Variants in GPR158 observed in about 807,000 individuals in gnomAD.
GPR158 encodes G protein-coupled receptor 158.
A neutral mutation model predicts 78.2 loss-of-function variants in GPR158; 30 were observed. The ratio of observed to expected loss-of-function variants is 0.38; its 90% CI spans 0.29 to 0.52. GPR158 has a LOEUF of 0.52. Ranked by LOEUF, GPR158 falls within the 20% of genes least tolerant of loss-of-function variation. The pLI is 0.83. For missense variants in GPR158, 1,463 were observed against 1,523.5 expected, an observed-to-expected ratio of 0.96 and a Z score of 0.66; for synonymous variants, 581 against 591.1, an observed-to-expected ratio of 0.98 and a Z score of 0.25.
intron 5 of GPR158, among the ~76,000 whole-genome samples, chr10:25,510,181 T>C (rs1337454589): frequency 6.6e-6 from 1 of 152,034 alleles, no homozygotes; most frequent in African/African-American, 2.4e-5. Flanking sequence ...GAAAATAGAG[T>C]CTTCCACAGA....
At chr10:25,567,734 T>C (rs964519195) in intron 6 of GPR158, among the ~76,000 whole-genome samples, 2 of 152,150 alleles carry the variant, frequency 1.3e-5, no homozygotes, top group Admixed American at 6.6e-5. Flanking sequence ...TTATTAGAAG[T>C]GTTTTACCAT....
chr10:25,438,478 GA>G (rs1259721170), intron 4 of GPR158, among the ~76,000 whole-genome samples: 1 of 152,178 alleles, frequency 6.6e-6, no homozygotes, highest in Non-Finnish European at 1.5e-5. Context: ...GTGGATTTAT[GA>G]ATTCATTCTC....
At chr10:25,423,113 A>G (rs11812748) in intron 4 of GPR158, among the ~76,000 whole-genome samples, 100,210 of 147,936 alleles carry the variant, frequency 0.68, 34,966 homozygotes, top group Non-Finnish European at 0.79. Flanking sequence ...ATGTCTACAC[A>G]TATATACATA....
chr10:25,326,403 GT>G (rs894314713), intron 2 of GPR158, among the ~76,000 whole-genome samples: 25 of 152,002 alleles, frequency 1.6e-4, no homozygotes, highest in Non-Finnish European at 3.5e-4. Flanking sequence ...TTGCTATTGA[GT>G]TTTTTTGAGT....
chr10:25,513,531 G>T (rs1836115835), intron 5 of GPR158, among the ~76,000 whole-genome samples: 1 of 150,472 alleles, frequency 6.6e-6, no homozygotes, highest in African/African-American at 2.4e-5. Flanking sequence ...GCACTGCTCT[G>T]ATATTCGTTG....
At chr10:25,485,129 A>C (rs1398457357) in intron 5 of GPR158, among the ~76,000 whole-genome samples, 1 of 152,026 alleles carries the variant, frequency 6.6e-6, no homozygotes, top group Admixed American at 6.6e-5. Flanking sequence ...GAAAAAAAAT[A>C]GTTGTTAGAG....
chr10:25,579,681 C>G lies in GPR158; in HGVS notation c.1753+6794C>G, dbSNP rs567117577. Among the ~76,000 whole-genome samples the G allele has an allele frequency of 7.2e-5, 11 of 152,366 alleles. No individual in the cohort carries two copies. In the East Asian group the frequency reaches 1.7e-3, roughly 24 times the overall value. ...ATAGCATCGAGGACATTTAGAACTT[C>G]CCTTCCATGGTTAAATCTGTGCATC... On this transcript the variant is annotated intron_variant, in intron 7 of 10. Transcript: ENST00000376351.
intron 1 of GPR158, among the ~76,000 whole-genome samples, chr10:25,186,301 C>T (rs1416486846): frequency 2.0e-5 from 3 of 152,042 alleles, no homozygotes; most frequent in Admixed American, 1.3e-4. Flanking sequence ...CCTAACATCA[C>T]AATTAAAAGA....
chr10:25,574,263 C>T (rs72790305), intron 7 of GPR158, among the ~76,000 whole-genome samples: 1 of 150,518 alleles, frequency 6.6e-6, no homozygotes, highest in Non-Finnish European at 1.5e-5. Context: ...GCATTTGAGA[C>T]CTTTAAAAAA....
chr10:25,464,417 T>C (rs1283297018), intron 4 of GPR158, among the ~76,000 whole-genome samples: 1 of 152,152 alleles, frequency 6.6e-6, no homozygotes, highest in African/African-American at 2.4e-5. Context: ...ATTTGACTGT[T>C]AGCGATATAT....
At chr10:25,410,327 A>G (rs1834566710) in intron 3 of GPR158, among the ~76,000 whole-genome samples, 1 of 152,174 alleles carries the variant, frequency 6.6e-6, no homozygotes, top group South Asian at 2.1e-4. Flanking sequence ...TATAAATATT[A>G]ACAATCTCAA....
intron 4 of GPR158, among the ~76,000 whole-genome samples, chr10:25,423,114 TATATACATATATATGTATATAC>T (rs1215878600): frequency 1.2e-4 from 18 of 144,574 alleles, no homozygotes; most frequent in Admixed American, 9.6e-4. Context: ...TGTCTACACA[TATATACATATATATGTATATAC>T]ATATACATAT....
chr10:25,560,767 T>A (rs1279623462), intron 6 of GPR158, among the ~76,000 whole-genome samples: 1 of 152,188 alleles, frequency 6.6e-6, no homozygotes, highest in Non-Finnish European at 1.5e-5. Context: ...TAATCTATAA[T>A]AGTATGCTAA....
intron 5 of GPR158, among the ~76,000 whole-genome samples, chr10:25,529,404 A>G (rs1836393738): frequency 6.6e-6 from 1 of 152,102 alleles, no homozygotes; most frequent in African/African-American, 2.4e-5. Flanking sequence ...TCAATTTGAG[A>G]GTATATACAA....
At chr10:25,179,971 G>T (rs1016567574) in intron 1 of GPR158, among the ~76,000 whole-genome samples, 1 of 152,134 alleles carries the variant, frequency 6.6e-6, no homozygotes, top group African/African-American at 2.4e-5. Flanking sequence ...ATCCCATTCC[G>T]TTGAATGCAT....
intron 7 of GPR158, among the ~76,000 whole-genome samples, chr10:25,582,824 C>A (rs1837220717): frequency 6.6e-6 from 1 of 152,164 alleles, no homozygotes; most frequent in Non-Finnish European, 1.5e-5. Context: ...GGTATGAAAT[C>A]AGATTAATTG....
At chr10:25,494,694 C>T (rs915894466) in intron 5 of GPR158, among the ~76,000 whole-genome samples, 12 of 151,788 alleles carry the variant, frequency 7.9e-5, no homozygotes, top group East Asian at 5.8e-4. Flanking sequence ...ATGTTTCAGG[C>T]GATTTTAAAC....
chr10:25,581,069 C>G (rs1050742736), intron 7 of GPR158, among the ~76,000 whole-genome samples: 1 of 150,516 alleles, frequency 6.6e-6, no homozygotes, highest in Admixed American at 6.6e-5. Context: ...GGACTACAGG[C>G]GCCCGCCACC....
chr10:25,525,593 G>A (rs1331501561), intron 5 of GPR158, among the ~76,000 whole-genome samples: 1 of 152,132 alleles, frequency 6.6e-6, no homozygotes, highest in East Asian at 1.9e-4. Context: ...TCCATTACTT[G>A]AATTGTCCAG....
Sources: allele counts gnomAD v4.1 joint callset (sites outside exome capture counted in the v4.1 genomes callset), GRCh38; gene constraint gnomAD v4.1.1; transcripts MANE v1.5; gene names NCBI Gene and HGNC (gene_info 2026-07-23, HGNC 2026-07-21).